LPA: variants seen among roughly 807,000 people sequenced by gnomAD.
LPA encodes lipoprotein(a), also known as apolipoprotein(a).
In LPA, 199 loss-of-function variants were observed where a neutral mutation model predicts 197.9. That is an observed-to-expected ratio of 1.01 (90% CI 0.90 to 1.13). LPA has a LOEUF of 1.13. Ranked by LOEUF, LPA falls within the 50% of genes most tolerant of loss-of-function variation. LPA has a pLI of 0.00. For synonymous variants in LPA, 715 were observed against 639.5 expected, an observed-to-expected ratio of 1.12 and a Z score of -1.78; for missense variants, 1,853 against 1,785.8, an observed-to-expected ratio of 1.04 and a Z score of -0.68.
chr6:160,610,683 G>A (rs1439227892), intron 16 of LPA, among the ~76,000 whole-genome samples: 2 of 152,050 alleles, frequency 1.3e-5, no homozygotes, highest in South Asian at 4.1e-4. Flanking sequence ...AGCGGACCTA[G>A]AAAATACCAG....
chr6:160,554,568 G>A (rs556179358), intron 30 of LPA, among the ~76,000 whole-genome samples: 2 of 152,162 alleles, frequency 1.3e-5, no homozygotes, highest in Admixed American at 6.5e-5. Flanking sequence ...CTGAATGCCC[G>A]AGATGTTCAA....
chr6:160,555,665 T>C (rs977141971), intron 30 of LPA, among the ~76,000 whole-genome samples: 3 of 151,876 alleles, frequency 2.0e-5, no homozygotes, highest in African/African-American at 7.3e-5. Flanking sequence ...AAAGCCTTCA[T>C]TTCAGAGAAG....
intron 28 of LPA, among the ~76,000 whole-genome samples, chr6:160,572,423 T>C (rs1778579526): frequency 6.6e-6 from 1 of 152,234 alleles, no homozygotes; most frequent in African/African-American, 2.4e-5. Flanking sequence ...ACTGCATTCA[T>C]CATATTCTTT....
At chr6:160,540,492 G>C (rs1226611738) in intron 35 of LPA, among the ~76,000 whole-genome samples, 2 of 152,180 alleles carry the variant, frequency 1.3e-5, no homozygotes. Flanking sequence ...CATCCCTCTT[G>C]AATGGCTTGG....
intron 16 of LPA, 94 bp from the exon 17 acceptor site, chr6:160,606,752 C>T (rs1779363369): frequency 1.3e-6 from 2 of 1,529,996 alleles, no homozygotes; most frequent in South Asian, 2.2e-5. Flanking sequence ...AGGTCATTAC[C>T]AGTGCCTTTC....
At chr6:160,659,124 C>A (rs575172615) in intron 1 of LPA, among the ~76,000 whole-genome samples, 1 of 152,246 alleles carries the variant, frequency 6.6e-6, no homozygotes, top group South Asian at 2.1e-4. Flanking sequence ...AAGGATCCAG[C>A]ACAGGAGAAA....
chr6:160,539,445 G>GTT (rs527511967), intron 36 of LPA, among the ~76,000 whole-genome samples: 2,062 of 142,638 alleles, frequency 0.014, 53 homozygotes, highest in Middle Eastern at 0.14. Flanking sequence ...TGTTGTGTGG[G>GTT]TTTTTTTTTT....
chr6:160,635,158 G>GA lies in LPA; in HGVS notation c.1039_1040insT (p.Thr347IlefsTer16), dbSNP rs1360762547. The GA allele has an allele frequency of 1.3e-6, 2 of 1,483,196 alleles. No individual in the cohort carries two copies. The highest frequency in any genetic ancestry group is 3.2e-5 in the African/African-American group (2 of 63,176). 91.9% of individuals were successfully genotyped at this position (1,483,196 alleles called of 1,614,324 possible). ...AGGAGCCTCTAGGCTTGGAACCGGG[G>GA]TAACAGTCGGAGGCGCGACGGCAGT... On this transcript the variant is annotated frameshift_variant, in exon 7 of 39. Transcript: ENST00000316300. LOFTEE classifies it high-confidence loss of function.
chr6:160,591,575 C>A (rs1779030745), intron 22 of LPA, among the ~76,000 whole-genome samples: 1 of 152,218 alleles, frequency 6.6e-6, no homozygotes, highest in Non-Finnish European at 1.5e-5. Flanking sequence ...ACATGATCTA[C>A]ATTCATGAAT....
At chr6:160,535,288 GTGA>G (rs1330815611) in intron 37 of LPA, among the ~76,000 whole-genome samples, 4 of 146,726 alleles carry the variant, frequency 2.7e-5, no homozygotes, top group Non-Finnish European at 6.0e-5. Context: ...GATGGTGATA[GTGA>G]TGATGGTGGT....
intron 34 of LPA, 115 bp downstream of exon 34, chr6:160,542,573 A>G (rs763196528): frequency 6.7e-7 from 1 of 1,488,176 alleles, no homozygotes; most frequent in African/African-American, 1.4e-5. Flanking sequence ...CCTCCTTCAG[A>G]AAACAGAGAG....
intron 28 of LPA, among the ~76,000 whole-genome samples, chr6:160,573,670 G>C (rs563382022): frequency 2.0e-5 from 3 of 152,284 alleles, no homozygotes; most frequent in South Asian, 4.1e-4. Context: ...CCTGTGAGCT[G>C]AACTGCAGTG....
chr6:160,594,050 T>A lies in LPA; in HGVS notation c.3537A>T (p.Ser1179=), dbSNP rs1430890675. The change falls in exon 22 of 39, where the codon TCA becomes TCT. Residue 1179 remains serine, a synonymous_variant. Coordinates refer to ENST00000316300, the MANE Select transcript of LPA (RefSeq NM_005577.4). ...YHGDGQSYRG[S]FSTTVTGRTC... ...TCCTTCCTGTGACAGTGGTAGAGAA[T>A]GAGCCTCGATAACTCTGTCCATCAC... The A allele has an allele frequency of 1.2e-6, 2 of 1,613,998 alleles. No individual in the cohort carries two copies. The highest frequency in any genetic ancestry group is 1.7e-6 in the Non-Finnish European group (2 of 1,179,870).
At chr6:160,552,774 T>G (rs1295591359) in intron 30 of LPA, among the ~76,000 whole-genome samples, 5 of 152,202 alleles carry the variant, frequency 3.3e-5, no homozygotes, top group Admixed American at 3.3e-4. Context: ...TTAGCTGTGG[T>G]TTTTATTCAA....
chr6:160,586,328 C>T (rs9365178), intron 25 of LPA, 121 bp downstream of exon 25: 222,830 of 1,162,430 alleles, frequency 0.19, 24,114 homozygotes, highest in East Asian at 0.43. Context: ...TTCCCATTGG[C>T]TGTCCATGAC....
chr6:160,559,213 A>G (rs1251702275), intron 28 of LPA, among the ~76,000 whole-genome samples: 1 of 152,192 alleles, frequency 6.6e-6, no homozygotes, highest in African/African-American at 2.4e-5. Flanking sequence ...AGAGGCAAAT[A>G]CATTGGTTTC....
intron 20 of LPA, 22 bp downstream of exon 20, chr6:160,599,478 A>G: frequency 6.2e-7 from 1 of 1,612,734 alleles, no homozygotes; most frequent in Non-Finnish European, 8.5e-7. Flanking sequence ...TCCTTCGCTT[A>G]TGGTAAAGAA....
chr6:160,570,639 GT>G (rs1168145825), intron 28 of LPA, among the ~76,000 whole-genome samples: 1 of 151,946 alleles, frequency 6.6e-6, no homozygotes, highest in African/African-American at 2.4e-5. Context: ...TATAATAATA[GT>G]AAAAAAGAAT....
chr6:160,591,987 A>G (rs6927129), intron 22 of LPA, among the ~76,000 whole-genome samples: 61,589 of 152,042 alleles, frequency 0.41, 13,230 homozygotes, highest in African/African-American at 0.56. Flanking sequence ...GATGTACCCC[A>G]GTAAATCAGA....
Sources: allele counts gnomAD v4.1 joint callset (sites outside exome capture counted in the v4.1 genomes callset), GRCh38; gene constraint gnomAD v4.1.1; transcripts MANE v1.5; gene names NCBI Gene and HGNC (gene_info 2026-07-23, HGNC 2026-07-21).